CCSER1: variants seen among roughly 807,000 people sequenced by gnomAD.
The protein encoded by CCSER1 is serine-rich coiled-coil domain-containing protein 1.
In CCSER1, 41 loss-of-function variants were observed where a neutral mutation model predicts 82.0. That is an observed-to-expected ratio of 0.50 (90% confidence interval 0.39 to 0.65). The LOEUF is 0.65. Ranked by LOEUF, CCSER1 falls within the 30% of genes least tolerant of loss-of-function variation. The pLI, the probability that CCSER1 is intolerant of heterozygous loss-of-function variation, is 0.00. For synonymous variants in CCSER1, 414 were observed against 383.9 expected (o/e 1.08, Z -0.92); for missense variants, 1,119 against 1,064.2 (o/e 1.05, Z -0.72).
In CCSER1 at chr4:91,503,114, G is replaced by A. The variant is rs192536465; in HGVS notation, c.2218-95458G>A. 2.2e-3 allele frequency among the ~76,000 whole-genome samples: 341 copies of A among 152,082 alleles called. 2 individuals are homozygous for A. Among genetic ancestry groups the A allele is most frequent in the African/African-American group, 7.8e-3 (323 of 41,518 alleles). ...TCCCAGCACTTTGGGAGGCCGAGGC[G>A]GGCGGATCACGAGGTCAGGAGATCG... On this transcript the variant is annotated intron_variant, in intron 10 of 10. Transcript: ENST00000509176.
intron 10 of CCSER1, among the ~76,000 whole-genome samples, chr4:91,428,696 C>T (rs563931400): frequency 2.0e-4 from 30 of 152,026 alleles, no homozygotes; most frequent in African/African-American, 4.1e-4. Flanking sequence ...TTTAAGTATT[C>T]GTAGGTACAG....
In CCSER1 at chr4:91,601,043, T is replaced by C. The variant is rs1361421762; in HGVS notation, c.*1986T>C. On this transcript the variant is annotated 3_prime_UTR_variant, in exon 11 of 11. Transcript: ENST00000509176. ...TAAATGTTGGTGTCTGTTGCTAGAG[T>C]ATTTTAAATCTGTACATAAATAAGC... The C allele has an allele frequency of 6.6e-6, 1 of 152,096 alleles. No individual in the cohort carries two copies. The highest frequency in any genetic ancestry group is 2.4e-5 in the African/African-American group (1 of 41,434). The allele number at this position is 152,096 out of a possible 1,614,324, so 9.4% of individuals were successfully genotyped here.
intron 3 of CCSER1, among the ~76,000 whole-genome samples, chr4:90,321,885 G>C (rs976195720): frequency 3.9e-5 from 6 of 152,002 alleles, no homozygotes; most frequent in African/African-American, 1.4e-4. Flanking sequence ...TATATATTCT[G>C]AGTATTAATA....
chr4:90,805,579 CAT>C (rs1757400747), intron 7 of CCSER1, among the ~76,000 whole-genome samples: 1 of 152,128 alleles, frequency 6.6e-6, no homozygotes, highest in Non-Finnish European at 1.5e-5. Flanking sequence ...AGGACAGGAA[CAT>C]TAGACTCCAC....
intron 5 of CCSER1, among the ~76,000 whole-genome samples, chr4:90,533,774 A>G (rs1774933396): frequency 6.6e-6 from 1 of 152,132 alleles, no homozygotes; most frequent in African/African-American, 2.4e-5. Flanking sequence ...ATTCTATATC[A>G]TTGTATTTTT....
intron 1 of CCSER1, among the ~76,000 whole-genome samples, chr4:90,188,240 T>C (rs2153393471): frequency 6.6e-6 from 1 of 152,038 alleles, no homozygotes; most frequent in Middle Eastern, 3.4e-3. Context: ...TATCTTTTAA[T>C]TTTATTTTTA....
At chr4:91,000,259 A>G (rs1737911761) in intron 9 of CCSER1, among the ~76,000 whole-genome samples, 1 of 143,700 alleles carries the variant, frequency 7.0e-6, no homozygotes, top group Admixed American at 6.9e-5. Flanking sequence ...AGTATAGTAT[A>G]GTATAGTATA....
At chr4:90,737,459 G>A (rs995910433) in intron 7 of CCSER1, among the ~76,000 whole-genome samples, 5 of 152,064 alleles carry the variant, frequency 3.3e-5, no homozygotes, top group African/African-American at 1.2e-4. Flanking sequence ...GGCCTGTAAG[G>A]TTTCCACTGA....
chr4:91,352,286 T>C lies in CCSER1; in HGVS notation c.2218-246286T>C, dbSNP rs144011731. On this transcript the variant is annotated intron_variant, in intron 10 of 10. Coordinates refer to ENST00000509176, the MANE Select transcript of CCSER1 (RefSeq NM_001145065.2). ...AGTTTTTTGAAACAGGGTCTCACTCTGTCACCCAGGAGTGCAGTGGCGCGA... is the reference window on the plus strand; with the variant it reads ...AGTTTTTTGAAACAGGGTCTCACTCCGTCACCCAGGAGTGCAGTGGCGCGA... Among the ~76,000 whole-genome samples the C allele has an allele frequency of 2.9e-3, 447 of 152,360 alleles. 1 individual carries two copies. The highest frequency in any genetic ancestry group is 0.01 in the African/African-American group (432 of 41,596).
intron 5 of CCSER1, among the ~76,000 whole-genome samples, chr4:90,608,041 C>T (rs1784963570): frequency 6.6e-6 from 1 of 152,116 alleles, no homozygotes; most frequent in Admixed American, 6.6e-5. Context: ...TCTTTTAAAA[C>T]TGTACAAAAT....
At chr4:90,774,661 T>C (rs1390231668) in intron 7 of CCSER1, among the ~76,000 whole-genome samples, 1 of 152,134 alleles carries the variant, frequency 6.6e-6, no homozygotes, top group Non-Finnish European at 1.5e-5. Context: ...CCTTCCTTGT[T>C]CATTATTAAG....
At position 90,271,931 on chromosome 4, in the gene CCSER1, G is replaced by A. The variant is rs1449490151; in HGVS notation, c.-41-36313G>A. Among the ~76,000 whole-genome samples, 10 of 139,110 alleles carry A rather than the reference G, an allele frequency of 7.2e-5. No homozygotes were observed. In the East Asian group the frequency reaches 1.9e-3, roughly 27 times the overall value. The allele number at this position is 139,110 out of a possible 152,430, so 91.3% of individuals were successfully genotyped here. On this transcript the variant is annotated intron_variant, in intron 1 of 10. Transcript: ENST00000509176. ...TGACTCACAGTTCTAGATGACTCCG[G>A]AGGCTTCAGGAAGCTTACAATCATG...
chr4:90,734,778 G>A (rs1467276074), intron 7 of CCSER1, among the ~76,000 whole-genome samples: 1 of 152,088 alleles, frequency 6.6e-6, no homozygotes, highest in Non-Finnish European at 1.5e-5. Context: ...CAAGTATAAT[G>A]TGGTTTCTTC....
At chr4:90,312,052 A>G (rs549886245) in intron 2 of CCSER1, among the ~76,000 whole-genome samples, 8 of 152,342 alleles carry the variant, frequency 5.3e-5, no homozygotes, top group African/African-American at 1.7e-4. Context: ...GTGGGATTCC[A>G]GTTTGCATTT....
At chr4:90,949,556 GT>G (rs1349963037) in intron 9 of CCSER1, among the ~76,000 whole-genome samples, 1 of 151,984 alleles carries the variant, frequency 6.6e-6, no homozygotes, top group Non-Finnish European at 1.5e-5. Flanking sequence ...GGAGTTATAG[GT>G]TTTGTTTTCA....
chr4:90,894,273 C>T (rs918397346), intron 8 of CCSER1, among the ~76,000 whole-genome samples: 2 of 151,964 alleles, frequency 1.3e-5, no homozygotes, highest in Non-Finnish European at 2.9e-5. Flanking sequence ...CTTAAGAAAT[C>T]TCCATGCATT....
intron 6 of CCSER1, among the ~76,000 whole-genome samples, chr4:90,659,084 C>CTTTTTTTTT (rs3042301): frequency 7.2e-6 from 1 of 138,098 alleles, no homozygotes; most frequent in Non-Finnish European, 1.5e-5. Context: ...TATGAGAGGG[C>CTTTTTTTTT]TTTTTTTTTT....
At chr4:90,363,342 T>C (rs1745711401) in intron 3 of CCSER1, among the ~76,000 whole-genome samples, 1 of 152,210 alleles carries the variant, frequency 6.6e-6, no homozygotes, top group South Asian at 2.1e-4. Context: ...CTGTTAAATT[T>C]GTTTTTCTTT....
chr4:91,170,469 G>T (rs1732636416), intron 10 of CCSER1, among the ~76,000 whole-genome samples: 1 of 152,090 alleles, frequency 6.6e-6, no homozygotes. Flanking sequence ...TTACTAAAAT[G>T]AGAAACATCA....
Sources: gnomAD v4.1 joint callset for allele counts (sites outside exome capture counted in the v4.1 genomes callset) on GRCh38, gnomAD v4.1.1 for gene constraint, MANE v1.5 for transcripts, NCBI Gene and HGNC (gene_info 2026-07-23, HGNC 2026-07-21) for gene names.